CACNA2D3: variants seen among roughly 807,000 people sequenced by gnomAD.
The protein encoded by CACNA2D3 is calcium voltage-gated channel auxiliary subunit alpha2delta 3.
A neutral mutation model predicts 160.6 loss-of-function variants in CACNA2D3; 60 were observed. The ratio of observed to expected loss-of-function variants is 0.37; its 90% CI spans 0.30 to 0.46. The LOEUF (loss-of-function observed/expected upper bound fraction) is 0.46, where lower values mean the gene tolerates loss of function less well. Ranked by LOEUF, CACNA2D3 falls within the 20% of genes least tolerant of loss-of-function variation. The probability of loss-of-function intolerance (pLI) is 1.00; values close to 1 mark genes in which losing one functional copy is unlikely to be tolerated. For missense variants in CACNA2D3, 1,205 were observed against 1,365.0 expected (o/e 0.88, Z 1.85); for synonymous variants, 558 against 492.9 (o/e 1.13, Z -1.75).
intron 13 of CACNA2D3, among the ~76,000 whole-genome samples, chr3:54,792,955 A>G (rs1365661452): frequency 6.6e-6 from 1 of 152,176 alleles, no homozygotes; most frequent in African/African-American, 2.4e-5. Flanking sequence ...CAGGCAAAAA[A>G]CTGCTGTTTT....
chr3:54,446,314 A>G (rs1700220913), intron 4 of CACNA2D3, among the ~76,000 whole-genome samples: 1 of 152,158 alleles, frequency 6.6e-6, no homozygotes, highest in Non-Finnish European at 1.5e-5. Context: ...TCATGGGGGA[A>G]AATCCATAGA....
chr3:54,706,075 C>T (rs1388600856), intron 11 of CACNA2D3, among the ~76,000 whole-genome samples: 1 of 152,192 alleles, frequency 6.6e-6, no homozygotes, highest in Non-Finnish European at 1.5e-5. Context: ...CAACTGGAGC[C>T]TCATTCCCAC....
intron 3 of CACNA2D3, among the ~76,000 whole-genome samples, chr3:54,335,960 C>T (rs903322384): frequency 2.8e-5 from 4 of 144,008 alleles, no homozygotes; most frequent in African/African-American, 1.0e-4. Flanking sequence ...GCTGAGATCG[C>T]GCCACTGTAC....
chr3:54,779,131 T>C (rs1438660547), intron 13 of CACNA2D3, among the ~76,000 whole-genome samples: 2 of 152,256 alleles, frequency 1.3e-5, no homozygotes, highest in East Asian at 3.9e-4. Flanking sequence ...AGAGTCTCCT[T>C]CTGTTGCCCA....
chr3:54,946,314 A>G (rs1013114498), intron 27 of CACNA2D3, among the ~76,000 whole-genome samples: 5 of 152,176 alleles, frequency 3.3e-5, no homozygotes, highest in African/African-American at 1.2e-4. Context: ...CATCCTGTAC[A>G]TGTCTTCAGA....
chr3:54,665,180 C>T (rs545049154), intron 11 of CACNA2D3, among the ~76,000 whole-genome samples: 15 of 152,192 alleles, frequency 9.9e-5, no homozygotes, highest in Non-Finnish European at 1.6e-4. Flanking sequence ...GTGGAAACGA[C>T]ATGTCCTGTT....
intron 11 of CACNA2D3, among the ~76,000 whole-genome samples, chr3:54,722,598 G>A (rs1178428902): frequency 2.0e-5 from 3 of 152,010 alleles, no homozygotes; most frequent in Non-Finnish European, 4.4e-5. Context: ...GGTCTTTGAG[G>A]GGATGTGCTA....
At chr3:54,608,186 A>G (rs1050097721) in intron 9 of CACNA2D3, among the ~76,000 whole-genome samples, 1 of 152,226 alleles carries the variant, frequency 6.6e-6, no homozygotes, top group African/African-American at 2.4e-5. Flanking sequence ...TGAAGTCTGT[A>G]GTTAGGTTAA....
At chr3:54,761,651 C>T (rs1168566904) in intron 12 of CACNA2D3, among the ~76,000 whole-genome samples, 1 of 152,184 alleles carries the variant, frequency 6.6e-6, no homozygotes, top group Non-Finnish European at 1.5e-5. Context: ...GGCCCTGCTC[C>T]CAGGTCTCAA....
intron 4 of CACNA2D3, among the ~76,000 whole-genome samples, chr3:54,435,285 A>G (rs1252206738): frequency 1.3e-5 from 2 of 152,188 alleles, no homozygotes; most frequent in South Asian, 4.1e-4. Context: ...TGCATTCTGC[A>G]CCAACAAAGA....
At chr3:54,770,740 G>C (rs542679328) in intron 13 of CACNA2D3, among the ~76,000 whole-genome samples, 1 of 152,140 alleles carries the variant, frequency 6.6e-6, no homozygotes, top group African/African-American at 2.4e-5. Context: ...CTTGAAGTCA[G>C]TTGTCTTCAT....
chr3:54,830,914 G>A (rs1255840705), intron 14 of CACNA2D3, among the ~76,000 whole-genome samples: 11 of 151,898 alleles, frequency 7.2e-5, no homozygotes, highest in Admixed American at 5.9e-4. Flanking sequence ...GAAGTTCCTC[G>A]CAGGTGTTGA....
rs1163435713 is a variant in CACNA2D3 at position 54,123,541 on chromosome 3, G to A, written c.151G>A (p.Gly51Arg). 3 of 1,613,816 alleles carry A rather than the reference G, an allele frequency of 1.9e-6. No homozygotes were observed. The highest frequency in any genetic ancestry group is 2.2e-5 in the East Asian group (1 of 44,884). The change falls in exon 2 of 38, where the codon GGG becomes AGG. Residue 51 changes from glycine (G) to arginine (R), a missense_variant. By Grantham distance (125) the Gly-to-Arg change is moderately radical. This residue lies in a region of CACNA2D3 where 163 missense variants were observed against 161.3 expected (regional missense o/e 1.01). Coordinates refer to ENST00000474759, the MANE Select transcript of CACNA2D3 (RefSeq NM_018398.3). ...GAAGCTCTGGGCCTCGGCTTTTGGT[G>A]GGGAGATAAAATCCATTGCTGCTAA... ...VVKLWASAFGGEIKSIAAKYS... is the reference protein window; with the variant it reads ...VVKLWASAFGREIKSIAAKYS...
intron 5 of CACNA2D3, among the ~76,000 whole-genome samples, chr3:54,517,989 A>G (rs1701581316): frequency 6.6e-6 from 1 of 152,200 alleles, no homozygotes; most frequent in Admixed American, 6.5e-5. Context: ...TGCTTGGGGA[A>G]GTCGTTCTGG....
chr3:54,495,185 C>T (rs947929753), intron 4 of CACNA2D3, among the ~76,000 whole-genome samples: 4 of 152,078 alleles, frequency 2.6e-5, no homozygotes, highest in Non-Finnish European at 5.9e-5. Context: ...ATTGGTCTTT[C>T]AGCAGAAAAG....
At chr3:54,622,982 G>A (rs1463935865) in intron 9 of CACNA2D3, among the ~76,000 whole-genome samples, 1 of 152,158 alleles carries the variant, frequency 6.6e-6, no homozygotes, top group Non-Finnish European at 1.5e-5. Context: ...GAGGGGCATA[G>A]GGGAGAAGAG....
chr3:54,404,745 C>G (rs1176615014), intron 4 of CACNA2D3, among the ~76,000 whole-genome samples: 1 of 151,984 alleles, frequency 6.6e-6, no homozygotes, highest in African/African-American at 2.4e-5. Context: ...AAGACTCCAC[C>G]AAAAAGCTGT....
chr3:54,300,676 A>G (rs57711599), intron 2 of CACNA2D3, among the ~76,000 whole-genome samples: 20,811 of 152,192 alleles, frequency 0.14, 1,491 homozygotes, highest in East Asian at 0.23. Flanking sequence ...ATTGTCACCA[A>G]TTCTGATTTT....
intron 13 of CACNA2D3, among the ~76,000 whole-genome samples, chr3:54,792,587 T>C (rs2106650371): frequency 6.6e-6 from 1 of 152,336 alleles, no homozygotes; most frequent in Non-Finnish European, 1.5e-5. Context: ...GGTTTTATTT[T>C]CAGATGAGGC....
Sources: gnomAD v4.1 joint callset for allele counts (sites outside exome capture counted in the v4.1 genomes callset) on GRCh38, gnomAD v4.1.1 for gene constraint, gnomAD v4.1.1 regional missense constraint, MANE v1.5 for transcripts, NCBI Gene and HGNC (gene_info 2026-07-23, HGNC 2026-07-21) for gene names.